The following BDP1 variants were observed in gnomAD, a reference collection of about 807,000 sequenced individuals.
BDP1 encodes transcription factor TFIIIB component B'' homolog.
Under a neutral mutation model 266.6 loss-of-function variants are expected in BDP1, and 169 were observed. That is an observed-to-expected ratio of 0.63 (90% CI 0.56 to 0.72). BDP1 has a LOEUF of 0.72. Ranked by LOEUF, BDP1 falls within the 30% of genes least tolerant of loss-of-function variation. BDP1 has a pLI of 0.00. For missense variants in BDP1, 3,015 were observed against 3,053.8 expected (o/e 0.99, Z 0.30); for synonymous variants, 1,090 against 1,022.4 (o/e 1.07, Z -1.26).
intron 11 of BDP1, among the ~76,000 whole-genome samples, chr5:71,493,369 A>G (rs777542153): frequency 7.2e-5 from 11 of 152,146 alleles, no homozygotes; most frequent in Non-Finnish European, 8.8e-5. Flanking sequence ...AAATGATTCT[A>G]TCACCTCAGC....
rs772702915 is a variant in BDP1 at position 71,489,396 on chromosome 5, G to C, written c.1214-8G>C. 6.4e-7 allele frequency: 1 copy of C among 1,574,146 alleles called. No homozygotes were observed. On this transcript the variant is annotated splice_region_variant and splice_polypyrimidine_tract_variant and intron_variant, in intron 9 of 38. Transcript: ENST00000358731. ...TTAAATATTTATAGTAATTTCTCTT[G>C]TTTTCAGTGAAAAAAGTTGCCTGTG... is the stretch of plus-strand genomic sequence containing the variant.
intron 7 of BDP1, among the ~76,000 whole-genome samples, chr5:71,472,307 A>C (rs1762300547): frequency 6.6e-6 from 1 of 152,132 alleles, no homozygotes; most frequent in Non-Finnish European, 1.5e-5. Flanking sequence ...CTAAAAATAC[A>C]AAAATTAGCC....
At chr5:71,530,969 A>C (rs561934326) in intron 25 of BDP1, among the ~76,000 whole-genome samples, 5 of 152,124 alleles carry the variant, frequency 3.3e-5, no homozygotes, top group Admixed American at 1.3e-4. Context: ...AGCTACTTGG[A>C]GGGCTGAGGC....
chr5:71,527,146 C>T (rs1765937930), intron 25 of BDP1, among the ~76,000 whole-genome samples: 1 of 152,090 alleles, frequency 6.6e-6, no homozygotes, highest in South Asian at 2.1e-4. Flanking sequence ...GTCTCAAACT[C>T]CTGAGCTCAG....
At chr5:71,572,481 T>C (rs1744299059), downstream of BDP1, among the ~76,000 whole-genome samples, 1 of 152,222 alleles carries the variant, frequency 6.6e-6, no homozygotes, top group South Asian at 2.1e-4. Flanking sequence ...GGGATGAGTC[T>C]GCTGGCAGCG....
chr5:71,564,617 A>G, intron 38 of BDP1, 137 bp from the exon 39 acceptor site: 1 of 716,974 alleles, frequency 1.4e-6, no homozygotes, highest in Non-Finnish European at 2.2e-6. Flanking sequence ...TTGTGAACAT[A>G]TTTAAAGCTC....
chr5:71,568,728 G>A (rs530295231), downstream of BDP1, among the ~76,000 whole-genome samples: 361 of 152,262 alleles, frequency 2.4e-3, 1 homozygote, highest in Non-Finnish European at 4.3e-3. Flanking sequence ...TCTTATATAT[G>A]TATGTCTTCC....
intron 2 of BDP1, 97 bp from the exon 3 acceptor site, chr5:71,461,720 C>T (rs948686111): frequency 8.8e-5 from 58 of 656,670 alleles, no homozygotes; most frequent in Non-Finnish European, 1.4e-4. Context: ...TATTAAAGCA[C>T]TTACAGTGAA....
At chr5:71,462,609 C>T (rs1761647679) in intron 3 of BDP1, among the ~76,000 whole-genome samples, 1 of 151,750 alleles carries the variant, frequency 6.6e-6, no homozygotes, top group Admixed American at 6.6e-5. Context: ...CAAAAATTAG[C>T]CAGGCATGGT....
At chr5:71,486,759 A>G in intron 9 of BDP1, 132 bp downstream of exon 9, 1 of 697,266 alleles carries the variant, frequency 1.4e-6, no homozygotes, top group Non-Finnish European at 2.2e-6. Flanking sequence ...TGGAGGGAGT[A>G]TATGTTTTTT....
intron 34 of BDP1, among the ~76,000 whole-genome samples, chr5:71,552,486 T>C (rs1342139905): frequency 6.6e-6 from 1 of 152,214 alleles, no homozygotes; most frequent in African/African-American, 2.4e-5. Context: ...AGGTGGAGGC[T>C]GTAGCGAGCC....
In BDP1 at chr5:71,471,423, C is replaced by T. The variant is rs116694369; in HGVS notation, c.1014+934C>T. Among the ~76,000 whole-genome samples the T allele has an allele frequency of 9.9e-3, 1,513 of 152,202 alleles. 29 individuals carry two copies. The highest frequency in any genetic ancestry group is 0.034 in the African/African-American group (1,422 of 41,528). On this transcript the variant is annotated intron_variant, in intron 7 of 38. Transcript: ENST00000358731. ...TCCCACCAAGTGCTGGAATTACAGG[C>T]GTGAGCCATCATGCCCGGTTGAGGG...
downstream of BDP1, chr5:71,567,954 C>T: frequency 6.6e-6 from 1 of 152,152 alleles, no homozygotes; most frequent in Non-Finnish European, 1.5e-5. Context: ...CCAGCCTGGG[C>T]AACATAATGA....
chr5:71,557,822 G>A (rs1743333924), intron 36 of BDP1, among the ~76,000 whole-genome samples: 1 of 152,086 alleles, frequency 6.6e-6, no homozygotes, highest in Non-Finnish European at 1.5e-5. Context: ...ATAAGCATGA[G>A]CCACCACCTG....
intron 3 of BDP1, among the ~76,000 whole-genome samples, chr5:71,463,046 A>G (rs774972465): frequency 6.6e-6 from 1 of 151,942 alleles, no homozygotes; most frequent in Non-Finnish European, 1.5e-5. Context: ...CTGGGAGTTC[A>G]AGGCAGCAGT....
Position 71,455,827 on chromosome 5 carries a change from C to T in BDP1, c.-51C>T, listed in dbSNP as rs567090162. 49 of 1,493,592 alleles carry T rather than the reference C, an allele frequency of 3.3e-5. No individual in the cohort carries two copies. Among genetic ancestry groups the T allele is most frequent in the Admixed American group, 1.7e-4 (8 of 46,700 alleles). The allele number at this position is 1,493,592 out of a possible 1,614,324, so 92.5% of individuals were successfully genotyped here. A position where few individuals can be genotyped will look rare whatever the true frequency, so the allele number is the denominator to read the frequency against. ...CCCTTTCCGGGCAGCCGCCGGGGCT[C>T]GGGGCTGTGAGCGGCCGTGAGGCTG... On this transcript the variant is annotated 5_prime_UTR_variant, in exon 1 of 39. Transcript: ENST00000358731.
the BDP1 span, among the ~76,000 whole-genome samples, chr5:71,574,361 C>G: frequency 6.6e-6 from 1 of 152,182 alleles, no homozygotes; most frequent in Non-Finnish European, 1.5e-5. Flanking sequence ...TGGCACCCCC[C>G]TGTCAGGAAA....
At chr5:71,471,138 C>CTTTTTTTTT (rs869292040) in intron 7 of BDP1, among the ~76,000 whole-genome samples, 2 of 115,070 alleles carry the variant, frequency 1.7e-5, no homozygotes, top group African/African-American at 6.9e-5. Context: ...TTAAGGGTAG[C>CTTTTTTTTT]TTTTTTTTTT....
chr5:71,566,036 T>C lies in BDP1; in HGVS notation c.*1151T>C. 4.5e-6 allele frequency: 1 copy of C among 220,564 alleles called. No homozygotes were observed. The highest frequency in any genetic ancestry group is 4.9e-5 in the South Asian group (1 of 20,458). 13.7% of individuals were successfully genotyped at this position (220,564 alleles called of 1,614,324 possible). A position where few individuals can be genotyped will look rare whatever the true frequency, so the allele number is the denominator to read the frequency against. ...CTTTTTCTGTTTAATTTTAAAGATA[T>C]TTAAAATGATATAACTAAAAATGTT... On this transcript the variant is annotated 3_prime_UTR_variant, in exon 39 of 39. Coordinates refer to ENST00000358731, the MANE Select transcript of BDP1 (RefSeq NM_018429.3).
Sources: gnomAD v4.1 joint callset for allele counts (sites outside exome capture counted in the v4.1 genomes callset) on GRCh38, gnomAD v4.1.1 for gene constraint, MANE v1.5 for transcripts, NCBI Gene and HGNC (gene_info 2026-07-23, HGNC 2026-07-21) for gene names.